TRPM2: variants seen among roughly 807,000 people sequenced by gnomAD.
TRPM2 encodes transient receptor potential cation channel subfamily M member 2, also known as estrogen-responsive element-associated gene 1 protein.
A neutral mutation model predicts 174.0 loss-of-function variants in TRPM2; 161 were observed. The observed-to-expected ratio is 0.93, with a 90% confidence interval of 0.81 to 1.05. The LOEUF is 1.05. TRPM2 is among the 50% of genes least tolerant of loss of function. The probability of loss-of-function intolerance (pLI) is 0.00; values close to 1 mark genes in which losing one functional copy is unlikely to be tolerated. For synonymous variants in TRPM2, 954 were observed against 861.3 expected, an observed-to-expected ratio of 1.11 and a Z score of -1.88; for missense variants, 2,057 against 2,038.0, an observed-to-expected ratio of 1.01 and a Z score of -0.18.
At chr21:44,425,060 G>C in intron 24 of TRPM2, 121 bp downstream of exon 24, 1 of 901,712 alleles carries the variant, frequency 1.1e-6, no homozygotes, top group South Asian at 1.7e-5. Context: ...GGCACTGGCT[G>C]CAGCCTGTTC....
Position 44,397,788 on chromosome 21 carries a change from C to A in TRPM2, c.1974C>A (p.Ile658=). 2 of 1,602,216 alleles carry A rather than the reference C, an allele frequency of 1.2e-6. No homozygotes were observed. The highest frequency in any genetic ancestry group is 2.3e-5 in the South Asian group (2 of 88,658). The change falls in exon 13 of 32, where the codon ATC becomes ATA. Residue 658 remains isoleucine, a synonymous_variant. Transcript: ENST00000397928. ...CAGCGGCCTTGGCCTGCAGCAAGAT[C>A]CTGAAGGAACTGTCCAAGGAGGAGG... ...CIAAALACSK[I]LKELSKEEED...
chr21:44,377,579 G>A (rs945693158), intron 6 of TRPM2, 133 bp from the exon 7 acceptor site: 4 of 1,198,788 alleles, frequency 3.3e-6, no homozygotes, highest in Non-Finnish European at 4.8e-6. Context: ...GCAGGGGAGA[G>A]TGCCCTCAGT....
chr21:44,377,600 G>A (rs2048743763), intron 6 of TRPM2, 112 bp from the exon 7 acceptor site: 3 of 1,421,458 alleles, frequency 2.1e-6, no homozygotes, highest in South Asian at 1.2e-5. Context: ...GCAGGGTCTT[G>A]CCCCCCACCT....
chr21:44,362,607 A>C (rs887059189), intron 2 of TRPM2, among the ~76,000 whole-genome samples: 3 of 151,496 alleles, frequency 2.0e-5, no homozygotes, highest in African/African-American at 7.3e-5. Flanking sequence ...TCAAGGGGTT[A>C]CTCTTTTTGT....
chr21:44,426,930 G>T (rs141133941), intron 26 of TRPM2, 80 bp from the exon 27 acceptor site: 302 of 1,422,384 alleles, frequency 2.1e-4, no homozygotes, highest in Admixed American at 2.3e-4. Context: ...GGCCCTTGGT[G>T]GGGGGGTGAT....
In TRPM2 at chr21:44,422,586, A is replaced by G. The variant is rs182778197; in HGVS notation, c.3462-1059A>G. Among the ~76,000 whole-genome samples the G allele has an allele frequency of 2.2e-3, 328 of 152,338 alleles. 1 individual carries two copies. Among genetic ancestry groups the G allele is most frequent in the African/African-American group, 7.6e-3 (318 of 41,578 alleles). On this transcript the variant is annotated intron_variant, in intron 22 of 31. Transcript: ENST00000397928. ...TACTAAAATAGTTGCTCAGTGTATT[A>G]TAAGAATATCACTTGCAGTGGGCGC...
At chr21:44,427,391 G>C (rs1414795505) in intron 27 of TRPM2, among the ~76,000 whole-genome samples, 1 of 152,204 alleles carries the variant, frequency 6.6e-6, no homozygotes, top group Non-Finnish European at 1.5e-5. Context: ...GGGGATGGCT[G>C]TGCTGGGAGA....
At chr21:44,393,024 C>T (rs1034896392) in intron 11 of TRPM2, among the ~76,000 whole-genome samples, 3 of 151,952 alleles carry the variant, frequency 2.0e-5, no homozygotes, top group Admixed American at 6.6e-5. Context: ...CTGCTCTAAT[C>T]TCCACCCTTA....
In TRPM2 at chr21:44,426,595, T is replaced by G; in HGVS notation, c.3796-65T>G. ...ACCCAGCTGAGCAGCCCTTTCACCC[T>G]GGTGCCTGGCCCAGCTTTGCAGTGG... On this transcript the variant is annotated intron_variant, in intron 25 of 31. Coordinates refer to ENST00000397928, the MANE Select transcript of TRPM2 (RefSeq NM_003307.4). The G allele has an allele frequency of 4.5e-6, 7 of 1,556,674 alleles. No homozygotes were observed. In the Admixed American group the frequency reaches 8.3e-5, roughly 19 times the overall value.
intron 2 of TRPM2, among the ~76,000 whole-genome samples, chr21:44,358,962 G>C (rs906169775): frequency 6.6e-6 from 1 of 151,982 alleles, no homozygotes; most frequent in South Asian, 2.1e-4. Flanking sequence ...GGGGACCCGA[G>C]CAGTTTGCCG....
Position 44,366,300 on chromosome 21 carries a change from A to G in TRPM2, c.424-454A>G, listed in dbSNP as rs185546448. ...GACAGGAGAGGGGACAGGAGAGGGG[A>G]CAGGAGAGGGGACAGGAGAGGGGGC... On this transcript the variant is annotated intron_variant, in intron 3 of 31. Transcript: ENST00000397928. This position sits in a 1 kb window ranked among gnomAD's most constrained non-coding sequence, Gnocchi z 6.0. 7.2e-3 allele frequency among the ~76,000 whole-genome samples: 1,010 copies of G among 140,528 alleles called. 22 individuals carry two copies. Among genetic ancestry groups the G allele is most frequent in the African/African-American group, 0.03 (948 of 32,056 alleles). The allele number at this position is 140,528 out of a possible 152,430, so 92.2% of individuals were successfully genotyped here.
intron 22 of TRPM2, among the ~76,000 whole-genome samples, chr21:44,419,537 GTGATGA>G: frequency 1.7e-5 from 1 of 57,188 alleles, no homozygotes; most frequent in African/African-American, 6.2e-5. Flanking sequence ...GGTGGTGATG[GTGATGA>G]TGGTGGCTGC....
chr21:44,375,652 G>C (rs551087912), intron 5 of TRPM2, among the ~76,000 whole-genome samples, 181 bp from the exon 6 acceptor site: 18 of 152,276 alleles, frequency 1.2e-4, no homozygotes, highest in Non-Finnish European at 1.3e-4. Context: ...GGGCCCACTC[G>C]GATCATCCAA....
chr21:44,378,130 G>A (rs2048762101), intron 7 of TRPM2, among the ~76,000 whole-genome samples: 1 of 152,232 alleles, frequency 6.6e-6, no homozygotes, highest in Admixed American at 6.5e-5. Context: ...ATTCCTCCAG[G>A]AAGCATTTTT....
Position 44,379,133 on chromosome 21 carries a change from G to A in TRPM2, c.1151G>A (p.Ser384Asn). The stretch of plus-strand genomic sequence containing the variant: ...ATCTCCCTGATCCAGCAGAAACTGA[G>A]CGTGTTCTTCCAGGAGATGTTTGAG... ...ITISLIQQKL[S>N]VFFQEMFETF... The change falls in exon 8 of 32, where the codon AGC (serine) becomes AAC (asparagine). Residue 384 changes from serine (S) to asparagine (N), a missense_variant. Coordinates refer to ENST00000397928, the MANE Select transcript of TRPM2 (RefSeq NM_003307.4). 1.2e-6 allele frequency: 2 copies of A among 1,613,660 alleles called. No homozygotes were observed. Among genetic ancestry groups the A allele is most frequent in the African/African-American group, 1.3e-5 (1 of 75,068 alleles).
In TRPM2 at chr21:44,364,098, T is replaced by C; in HGVS notation, c.255-16T>C. ...GGCACCACACTCCCTGGGTGACTGG[T>C]GCTGTGTCTTTGCAGGAAGGTGGTG... On this transcript the variant is annotated splice_polypyrimidine_tract_variant and intron_variant, in intron 2 of 31. Coordinates refer to ENST00000397928, the MANE Select transcript of TRPM2 (RefSeq NM_003307.4). 6.2e-7 allele frequency: 1 copy of C among 1,611,478 alleles called. No homozygotes were observed. The highest frequency in any genetic ancestry group is 1.3e-5 in the African/African-American group (1 of 75,002).
intron 8 of TRPM2, among the ~76,000 whole-genome samples, chr21:44,380,451 C>T (rs1432800124): frequency 6.6e-6 from 1 of 152,178 alleles, no homozygotes; most frequent in Non-Finnish European, 1.5e-5. Context: ...ATAAATTATT[C>T]AGGCAATTCT....
chr21:44,387,467 A>G (rs929527679), intron 9 of TRPM2, among the ~76,000 whole-genome samples: 2 of 152,220 alleles, frequency 1.3e-5, no homozygotes, highest in Admixed American at 6.5e-5. Context: ...CAGGGCAAAA[A>G]CTTCATGACA....
In TRPM2 at chr21:44,391,597, T is replaced by A. The variant is rs2049178864; in HGVS notation, c.1766T>A (p.Leu589Gln). 6.3e-7 allele frequency: 1 copy of A among 1,584,226 alleles called. No individual in the cohort carries two copies. Among genetic ancestry groups the A allele is most frequent in the African/African-American group, 1.3e-5 (1 of 74,530 alleles). Reference sequence around the variant, plus strand: ...CGGCACAACGACCGGCTGCGGCTCCTGCTGCCCGTTCCCCACGTCAAGCTC... The same window carrying A: ...CGGCACAACGACCGGCTGCGGCTCCAGCTGCCCGTTCCCCACGTCAAGCTC... ...RPRHNDRLRL[L>Q]LPVPHVKLNV... is the part of the protein sequence containing the mutation. Residue 589 changes from leucine (L) to glutamine (Q), a missense_variant, in exon 11 of 32, where the codon CTG (leucine) becomes CAG (glutamine). Transcript: ENST00000397928. This position sits in a 1 kb window ranked among gnomAD's most constrained non-coding sequence, Gnocchi z 5.0.
Sources: allele counts gnomAD v4.1 joint callset (sites outside exome capture counted in the v4.1 genomes callset), GRCh38; gene constraint gnomAD v4.1.1; non-coding constraint Gnocchi (gnomAD v3.1); transcripts MANE v1.5; gene names NCBI Gene and HGNC (gene_info 2026-07-23, HGNC 2026-07-21).